The following ENTREP2 variants were observed in gnomAD, a reference collection of about 807,000 sequenced individuals.
ENTREP2 encodes the protein endosomal transmembrane epsin interactor 2, also known as protein ENTREP2.
chr15:29,600,791 T>C, the ENTREP2 span, among the ~76,000 whole-genome samples: 1 of 151,936 alleles, frequency 6.6e-6, no homozygotes, highest in East Asian at 1.9e-4. Flanking sequence ...ATTATTCATA[T>C]ACAGGTAGTA....
the ENTREP2 span, among the ~76,000 whole-genome samples, chr15:29,331,124 G>T: frequency 5.2e-4 from 79 of 152,284 alleles, 1 homozygote; most frequent in African/African-American, 1.8e-3. Flanking sequence ...TTACACTGAC[G>T]GAATGAGGGC....
At chr15:29,504,247 G>A in the ENTREP2 span, among the ~76,000 whole-genome samples, 124 of 152,214 alleles carry the variant, frequency 8.1e-4, no homozygotes, top group Non-Finnish European at 1.5e-3. Context: ...CAGGCTAAAC[G>A]GTCAGCAACA....
At chr15:29,364,853 C>T in the ENTREP2 span, among the ~76,000 whole-genome samples, 1,616 of 152,236 alleles carry the variant, frequency 0.011, 44 homozygotes, top group African/African-American at 0.037. Flanking sequence ...GCACAGCCTC[C>T]GCCACTACCA....
At chr15:29,556,785 G>C in the ENTREP2 span, among the ~76,000 whole-genome samples, 1 of 140,366 alleles carries the variant, frequency 7.1e-6, no homozygotes, top group African/African-American at 2.8e-5. Flanking sequence ...CCCACATGTG[G>C]ATTCAGTTCC....
At chr15:29,571,448 C>CAGG in the ENTREP2 span, among the ~76,000 whole-genome samples, 94 of 150,974 alleles carry the variant, frequency 6.2e-4, no homozygotes, top group African/African-American at 2.3e-3. Flanking sequence ...GTGTGGCGAA[C>CAGG]AGGAGCCTCT....
At chr15:29,445,186 T>G in the ENTREP2 span, among the ~76,000 whole-genome samples, 3 of 152,132 alleles carry the variant, frequency 2.0e-5, no homozygotes, top group Admixed American at 1.3e-4. Context: ...ATGAATGGAA[T>G]TAGTGCGAGA....
At chr15:29,621,635 G>A in the ENTREP2 span, among the ~76,000 whole-genome samples, 1 of 146,614 alleles carries the variant, frequency 6.8e-6, no homozygotes, top group Non-Finnish European at 1.5e-5. Context: ...TGGTGAGGAT[G>A]TGGAAAAATC....
the ENTREP2 span, among the ~76,000 whole-genome samples, chr15:29,394,741 C>A: frequency 6.6e-6 from 1 of 152,054 alleles, no homozygotes; most frequent in Non-Finnish European, 1.5e-5. Flanking sequence ...CATTCCCTCC[C>A]CCACTCTAGC....
chr15:29,143,102 G>T, the ENTREP2 span, among the ~76,000 whole-genome samples: 1 of 152,196 alleles, frequency 6.6e-6, no homozygotes, highest in Non-Finnish European at 1.5e-5. Context: ...CTGATCCACA[G>T]AAATAAGATG....
the ENTREP2 span, among the ~76,000 whole-genome samples, chr15:29,470,003 T>G: frequency 6.6e-6 from 1 of 152,208 alleles, no homozygotes; most frequent in East Asian, 1.9e-4. Flanking sequence ...AAGCACTGAT[T>G]TTTTGACAAG....
At chr15:29,207,059 C>G in the ENTREP2 span, among the ~76,000 whole-genome samples, 2 of 152,270 alleles carry the variant, frequency 1.3e-5, no homozygotes, top group East Asian at 3.9e-4. Context: ...AAGCTACTCG[C>G]CAAGCAGCTC....
chr15:29,457,185 G>A, the ENTREP2 span, among the ~76,000 whole-genome samples: 30 of 152,220 alleles, frequency 2.0e-4, no homozygotes, highest in African/African-American at 6.5e-4. Context: ...TGGTTCCCAG[G>A]GGAAGATGCC....
the ENTREP2 span, among the ~76,000 whole-genome samples, chr15:29,579,026 C>G: frequency 1.3e-5 from 2 of 152,128 alleles, no homozygotes; most frequent in Admixed American, 6.6e-5. Context: ...TGCTCAGACT[C>G]AAACAAACTT....
At chr15:29,371,349 A>ACACACACACAC in the ENTREP2 span, among the ~76,000 whole-genome samples, 15 of 133,892 alleles carry the variant, frequency 1.1e-4, no homozygotes, top group East Asian at 6.8e-4. Context: ...CACCCCCGCA[A>ACACACACACAC]ACACACACAC....
chr15:29,480,294 C>G, the ENTREP2 span, among the ~76,000 whole-genome samples: 1 of 117,108 alleles, frequency 8.5e-6, no homozygotes, highest in African/African-American at 3.2e-5. Flanking sequence ...CGAAAATAAC[C>G]AGACAAGTGT....
At chr15:29,552,571 AAAT>A in the ENTREP2 span, among the ~76,000 whole-genome samples, 5 of 151,950 alleles carry the variant, frequency 3.3e-5, no homozygotes, top group South Asian at 2.1e-4. Flanking sequence ...CCATCTCTAA[AAAT>A]AATAATAATA....
chr15:29,234,441 C>A, the ENTREP2 span: 1 of 1,514,368 alleles, frequency 6.6e-7, no homozygotes, highest in Non-Finnish European at 9.2e-7. Flanking sequence ...CCTCGACCTG[C>A]ATAATTCCCT....
the ENTREP2 span, among the ~76,000 whole-genome samples, chr15:29,240,811 A>G: frequency 6.6e-6 from 1 of 152,182 alleles, no homozygotes; most frequent in Non-Finnish European, 1.5e-5. Flanking sequence ...TCCCATGCAT[A>G]GTTGTCAGAA....
At chr15:29,262,118 T>C in the ENTREP2 span, among the ~76,000 whole-genome samples, 1 of 150,680 alleles carries the variant, frequency 6.6e-6, no homozygotes, top group African/African-American at 2.4e-5. Context: ...AAAATAATTC[T>C]GGGAGTACAA....
Sources: gnomAD v4.1 joint callset for allele counts (sites outside exome capture counted in the v4.1 genomes callset) on GRCh38, gnomAD v4.1.1 for gene constraint, MANE v1.5 for transcripts, NCBI Gene and HGNC (gene_info 2026-07-23, HGNC 2026-07-21) for gene names.